The following DLGAP1 variants were observed in gnomAD, a reference collection of about 807,000 sequenced individuals.
DLGAP1 encodes disks large-associated protein 1.
DLGAP1 carries 11 observed loss-of-function variants against 90.8 expected under a neutral mutation model. The observed-to-expected ratio is 0.12, with a 90% CI of 0.08 to 0.20. The LOEUF (loss-of-function observed/expected upper bound fraction) is 0.20, where lower values mean the gene tolerates loss of function less well. Among genes scored for constraint, DLGAP1 ranks in the 10% least tolerant of loss-of-function variants. The pLI is 1.00. For synonymous variants in DLGAP1, 558 were observed against 540.7 expected (o/e 1.03, Z -0.44); for missense variants, 1,050 against 1,333.8 (o/e 0.79, Z 3.31).
intron 7 of DLGAP1, among the ~76,000 whole-genome samples, chr18:3,682,838 C>T (rs2060567429): frequency 6.6e-6 from 1 of 151,518 alleles, no homozygotes; most frequent in East Asian, 1.9e-4. Flanking sequence ...GACTAGTATC[C>T]AAAGCTTGTT....
chr18:4,202,393 G>A (rs1189776711), intron 1 of DLGAP1, among the ~76,000 whole-genome samples: 2 of 152,132 alleles, frequency 1.3e-5, no homozygotes, highest in Non-Finnish European at 1.5e-5. Context: ...TGGGTACAAT[G>A]TACACTACTT....
chr18:4,361,709 C>T (rs970092643), intron 1 of DLGAP1, among the ~76,000 whole-genome samples: 2 of 151,832 alleles, frequency 1.3e-5, no homozygotes, highest in African/African-American at 4.8e-5. Flanking sequence ...TTGATTAACA[C>T]AAAAGGCACA....
chr18:3,935,597 C>T (rs2072617980), intron 3 of DLGAP1, among the ~76,000 whole-genome samples: 1 of 152,172 alleles, frequency 6.6e-6, no homozygotes, highest in Admixed American at 6.5e-5. Flanking sequence ...TGCAGTGGTC[C>T]ATCTGCTATT....
intron 5 of DLGAP1, among the ~76,000 whole-genome samples, chr18:3,770,285 A>T (rs890942872): frequency 1.3e-5 from 2 of 152,116 alleles, no homozygotes; most frequent in East Asian, 3.9e-4. Flanking sequence ...GAGAGAAGGC[A>T]GGCAGGAGAA....
At chr18:4,412,419 C>T (rs1283052292) in intron 1 of DLGAP1, among the ~76,000 whole-genome samples, 1 of 152,170 alleles carries the variant, frequency 6.6e-6, no homozygotes, top group South Asian at 2.1e-4. Flanking sequence ...AGCTTCTCCT[C>T]CAGGCTGCCA....
intron 2 of DLGAP1, among the ~76,000 whole-genome samples, chr18:4,060,088 G>A (rs1384522191): frequency 1.3e-5 from 2 of 152,178 alleles, no homozygotes; most frequent in African/African-American, 4.8e-5. Flanking sequence ...CTTCCCTTAA[G>A]GCCAAAGGGT....
At chr18:3,876,728 T>C (rs1161923343) in intron 4 of DLGAP1, among the ~76,000 whole-genome samples, 2 of 152,192 alleles carry the variant, frequency 1.3e-5, no homozygotes, top group East Asian at 3.8e-4. Flanking sequence ...TTTTTTTCTT[T>C]ATACCTTTCT....
At chr18:4,241,866 T>C (rs930963695) in intron 1 of DLGAP1, among the ~76,000 whole-genome samples, 1 of 152,184 alleles carries the variant, frequency 6.6e-6, no homozygotes, top group Non-Finnish European at 1.5e-5. Flanking sequence ...TATCATTAGT[T>C]TTCTAAACAT....
intron 10 of DLGAP1, among the ~76,000 whole-genome samples, chr18:3,531,217 ACCTGAGGTCAGGAGTTCAAGACCAGACTG>A: frequency 6.6e-6 from 1 of 152,056 alleles, no homozygotes; most frequent in East Asian, 1.9e-4. Flanking sequence ...CGGGTGGATC[ACCTGAGGTCAGGAGTTCAAGACCAGACTG>A]GCCAACATGG....
chr18:4,002,761 C>A (rs1299618522), intron 3 of DLGAP1, among the ~76,000 whole-genome samples: 1 of 152,072 alleles, frequency 6.6e-6, no homozygotes, highest in African/African-American at 2.4e-5. Context: ...ATTCCGGGGT[C>A]AACTATTGTT....
At chr18:4,174,730 G>C (rs2077078715) in intron 1 of DLGAP1, among the ~76,000 whole-genome samples, 1 of 152,154 alleles carries the variant, frequency 6.6e-6, no homozygotes, top group Non-Finnish European at 1.5e-5. Context: ...ATGGTTTGCT[G>C]CATCTATTGA....
chr18:3,619,704 T>C lies in DLGAP1; in HGVS notation c.1592-37456A>G, dbSNP rs138330095. On this transcript the variant is annotated intron_variant, in intron 7 of 12. Transcript: ENST00000315677. ...GAAAATTTGGCTTTACCTTCTGACTTAGCGTCATGCAAATCCTGATGCTCT... is the reference window on the plus strand; with the variant it reads ...GAAAATTTGGCTTTACCTTCTGACTCAGCGTCATGCAAATCCTGATGCTCT... Among the ~76,000 whole-genome samples the C allele has an allele frequency of 4.3e-3, 655 of 151,340 alleles. 8 individuals are homozygous for C. Among genetic ancestry groups the C allele is most frequent in the African/African-American group, 0.015 (616 of 41,218 alleles).
chr18:3,695,792 G>C lies in DLGAP1; in HGVS notation c.1591+33343C>G, dbSNP rs557911259. On this transcript the variant is annotated intron_variant, in intron 7 of 12. Transcript: ENST00000315677. ...GCATTTAATCTATAAATTACTTTGG[G>C]CAATATGGCCATTTTCATGATATTG... Among the ~76,000 whole-genome samples the C allele has an allele frequency of 2.0e-5, 3 of 152,234 alleles. No homozygotes were observed. The South Asian group carries it at 6.2e-4, about 32-fold the overall frequency.
chr18:4,192,498 C>A (rs1202743016), intron 1 of DLGAP1, among the ~76,000 whole-genome samples: 1 of 152,154 alleles, frequency 6.6e-6, no homozygotes, highest in East Asian at 1.9e-4. Context: ...TATCCTGTAA[C>A]CCCAACTAAC....
At chr18:3,958,175 C>T (rs1478002512) in intron 3 of DLGAP1, among the ~76,000 whole-genome samples, 1 of 152,082 alleles carries the variant, frequency 6.6e-6, no homozygotes, top group African/African-American at 2.4e-5. Flanking sequence ...TCTCAAAGTG[C>T]TGGGATTACA....
intron 9 of DLGAP1, among the ~76,000 whole-genome samples, chr18:3,551,836 T>C (rs1007901374): frequency 2.0e-5 from 3 of 149,300 alleles, no homozygotes; most frequent in African/African-American, 7.4e-5. Flanking sequence ...TGGAGTGCAG[T>C]GGCACAATCT....
At chr18:4,266,425 A>T (rs1313363603) in intron 1 of DLGAP1, among the ~76,000 whole-genome samples, 1 of 152,164 alleles carries the variant, frequency 6.6e-6, no homozygotes, top group Non-Finnish European at 1.5e-5. Context: ...GAACTGGAGA[A>T]CTCCTAGTGG....
rs543907744 is a variant in DLGAP1, at chr18:3,852,372, G to A, written c.957+26740C>T. ...ATATCTAACCTCAGCAAAGAGTGGA[G>A]CAGGATCCATAAGATACCAAGTTAG... On this transcript the variant is annotated intron_variant, in intron 4 of 12. Transcript: ENST00000315677. Among the ~76,000 whole-genome samples the A allele has an allele frequency of 4.6e-5, 7 of 152,266 alleles. No homozygotes were observed. In the South Asian group the frequency reaches 1.2e-3, roughly 27 times the overall value.
At chr18:4,068,200 G>C (rs2075397893) in intron 2 of DLGAP1, among the ~76,000 whole-genome samples, 1 of 151,472 alleles carries the variant, frequency 6.6e-6, no homozygotes, top group Non-Finnish European at 1.5e-5. Context: ...CCTCCTCAAT[G>C]CAATATGGGC....
Sources: allele counts gnomAD v4.1 joint callset (sites outside exome capture counted in the v4.1 genomes callset), GRCh38; gene constraint gnomAD v4.1.1; transcripts MANE v1.5; gene names NCBI Gene and HGNC (gene_info 2026-07-23, HGNC 2026-07-21).